LPCAT1: variants seen among roughly 807,000 people sequenced by gnomAD.
LPCAT1 encodes 1-acylglycerol-3-phosphate O-acyltransferase.
Under a neutral mutation model 60.9 loss-of-function variants are expected in LPCAT1, and 23 were observed. The ratio of observed to expected loss-of-function variants is 0.38; its 90% CI spans 0.27 to 0.53. LPCAT1 has a LOEUF of 0.53. Ranked by LOEUF, LPCAT1 falls within the 20% of genes least tolerant of loss-of-function variation. The pLI, the probability that LPCAT1 is intolerant of heterozygous loss-of-function variation, is 0.82. For missense variants in LPCAT1, 622 were observed against 723.6 expected (o/e 0.86, Z 1.61); for synonymous variants, 340 against 301.1 (o/e 1.13, Z -1.34).
At position 1,502,482 on chromosome 5, in the gene LPCAT1, C is replaced by T. The variant is rs777992755; in HGVS notation, c.136-879G>A. ...GGAAGACCCGGCGCAGGAGAGTGAA[C>T]TGGCGGGAGGGCAGGGGCGCAGGTC... On this transcript the variant is annotated intron_variant, in intron 1 of 13. Coordinates refer to ENST00000283415, the MANE Select transcript of LPCAT1 (RefSeq NM_024830.5). The surrounding 1 kb of genome is among the most constrained non-coding windows in gnomAD (Gnocchi z 5.5). Among the ~76,000 whole-genome samples, 6 of 152,114 alleles carry T rather than the reference C, an allele frequency of 3.9e-5. No individual in the cohort carries two copies. Among genetic ancestry groups the T allele is most frequent in the Non-Finnish European group, 7.4e-5 (5 of 68,004 alleles).
chr5:1,512,154 G>T (rs1736374283), intron 1 of LPCAT1, among the ~76,000 whole-genome samples: 1 of 152,208 alleles, frequency 6.6e-6, no homozygotes, highest in African/African-American at 2.4e-5. Flanking sequence ...ACCCGGACAG[G>T]GCTTGGCAGG....
chr5:1,470,722 G>T, intron 12 of LPCAT1, 104 bp downstream of exon 12: 1 of 802,740 alleles, frequency 1.2e-6, no homozygotes, highest in Non-Finnish European at 1.9e-6. Context: ...TTGGGCAAAT[G>T]ATCAATTAAC....
intron 5 of LPCAT1, among the ~76,000 whole-genome samples, chr5:1,488,044 G>A (rs959616097): frequency 2.6e-5 from 4 of 152,244 alleles, no homozygotes; most frequent in East Asian, 1.9e-4. Context: ...GGTGTGGGGC[G>A]TGAGCTGCAG....
rs1407976004 is a variant in LPCAT1 at position 1,462,407 on chromosome 5, C to CT, written c.*1243dup. 2 of 152,428 alleles carry CT rather than the reference C, an allele frequency of 1.3e-5. No individual in the cohort carries two copies. The highest frequency in any genetic ancestry group is 4.8e-5 in the African/African-American group (2 of 41,436). The allele number at this position is 152,428 out of a possible 1,614,324, so 9.4% of individuals were successfully genotyped here. ...CCTGGAAGCCCCTCTGCCTTTGACT[C>CT]TAAGATGGGGCAGGACCCCCGCTCT... On this transcript the variant is annotated 3_prime_UTR_variant, in exon 14 of 14. Transcript: ENST00000283415.
intron 4 of LPCAT1, 140 bp downstream of exon 4, chr5:1,489,606 C>G (rs1735497562): frequency 2.7e-6 from 2 of 737,214 alleles, no homozygotes; most frequent in African/African-American, 1.7e-5. Flanking sequence ...ACAGCACCCT[C>G]CTGAGTTCAC....
At chr5:1,464,197 G>A (rs1053565034) in intron 13 of LPCAT1, among the ~76,000 whole-genome samples, 14 of 152,256 alleles carry the variant, frequency 9.2e-5, no homozygotes, top group Admixed American at 3.9e-4. Flanking sequence ...TGTCTGGACA[G>A]TGATCTGGCG....
Position 1,523,771 on chromosome 5 carries a change from G to A in LPCAT1, c.74C>T (p.Ala25Val), listed in dbSNP as rs1289721390. 3.6e-5 allele frequency: 41 copies of A among 1,152,898 alleles called. No homozygotes were observed. The highest frequency in any genetic ancestry group is 4.1e-5 in the Non-Finnish European group (38 of 933,556). 71.4% of individuals were successfully genotyped at this position (1,152,898 alleles called of 1,614,324 possible). ...SAGASDARLL[A>V]PPGRNPFVHE... ...CACGAAGGGGTTCCGCCCCGGGGGC[G>A]CCAGCAGCCGAGCGTCGCTGGCCCC... Residue 25 changes from alanine (A) to valine (V), a missense_variant, in exon 1 of 14, where the codon GCG (alanine) becomes GTG (valine). Ala to Val is a moderately conservative substitution (Grantham distance 64). This residue lies in a region of LPCAT1 where 125 missense variants were observed against 114.5 expected (regional missense o/e 1.09). Coordinates refer to ENST00000283415, the MANE Select transcript of LPCAT1 (RefSeq NM_024830.5). This position sits in a 1 kb window ranked among gnomAD's most constrained non-coding sequence, Gnocchi z 7.1.
intron 3 of LPCAT1, 147 bp from the exon 4 acceptor site, chr5:1,490,005 C>A: frequency 1.5e-6 from 1 of 671,490 alleles, no homozygotes; most frequent in Non-Finnish European, 2.7e-6. Context: ...GCTGTGAGTC[C>A]CTGACTGAGG....
At chr5:1,482,041 T>C (rs1439155975) in intron 6 of LPCAT1, among the ~76,000 whole-genome samples, 2 of 152,178 alleles carry the variant, frequency 1.3e-5, no homozygotes, top group Non-Finnish European at 2.9e-5. Flanking sequence ...AAGGAACTGC[T>C]ATAGACGGGA....
At chr5:1,473,377 C>T (rs1271741456) in intron 11 of LPCAT1, among the ~76,000 whole-genome samples, 1 of 152,280 alleles carries the variant, frequency 6.6e-6, no homozygotes, top group East Asian at 1.9e-4. Flanking sequence ...CAGCCTGTCC[C>T]GCCCCTGCGT....
At chr5:1,479,824 C>A in intron 7 of LPCAT1, 149 bp from the exon 8 acceptor site, 1 of 656,384 alleles carries the variant, frequency 1.5e-6, no homozygotes, top group Admixed American at 2.4e-5. Flanking sequence ...GCCGTGCCCA[C>A]CCAGCCCGAG....
Position 1,523,910 on chromosome 5 carries a change from T to G in LPCAT1, c.-66A>C, listed in dbSNP as rs1736755182. 1.0e-6 allele frequency: 1 copy of G among 992,240 alleles called. No homozygotes were observed. The highest frequency in any genetic ancestry group is 1.2e-6 in the Non-Finnish European group (1 of 832,708). The allele number at this position is 992,240 out of a possible 1,614,324, so 61.5% of individuals were successfully genotyped here. A position where few individuals can be genotyped will look rare whatever the true frequency, so the allele number is the denominator to read the frequency against. ...GGCGCCGAGCGGGGCCGGGGCTAGC[T>G]GGGCGCGGGTCTCGGGGCGCGGGCC... On this transcript the variant is annotated 5_prime_UTR_variant, in exon 1 of 14. Transcript: ENST00000283415. The surrounding 1 kb of genome is among the most constrained non-coding windows in gnomAD (Gnocchi z 7.1).
chr5:1,500,148 C>A (rs111830014), intron 2 of LPCAT1, among the ~76,000 whole-genome samples: 128 of 152,362 alleles, frequency 8.4e-4, no homozygotes, highest in African/African-American at 3.0e-3. Context: ...CAATTAACTA[C>A]TAATATTCCT....
At position 1,521,130 on chromosome 5, in the gene LPCAT1, T is replaced by C. The variant is rs16879331; in HGVS notation, c.135+2580A>G. On this transcript the variant is annotated intron_variant, in intron 1 of 13. Transcript: ENST00000283415. This position sits in a 1 kb window ranked among gnomAD's most constrained non-coding sequence, Gnocchi z 4.3. ...TTGCTTTAGCCAGAGGATTAAAACA[T>C]TGCACGTATTACAGACCCTGATGGC... is the stretch of plus-strand genomic sequence containing the variant. Among the ~76,000 whole-genome samples, 743 of 152,344 alleles carry C rather than the reference T, an allele frequency of 4.9e-3. 6 individuals carry two copies. The highest frequency in any genetic ancestry group is 0.017 in the African/African-American group (690 of 41,574).
rs149354330 is a variant in LPCAT1 at position 1,501,577 on chromosome 5, G to A, written c.162C>T (p.Phe54=). Residue 54 remains phenylalanine (F), a synonymous_variant, in exon 2 of 14, where the codon TTC becomes TTT. Coordinates refer to ENST00000283415, the MANE Select transcript of LPCAT1 (RefSeq NM_024830.5). ...AQVALMTLTL[F]PVRLLVAAAM... ...CAGCGGCAACCAGGAGCCGGACCGG[G>A]AAGAGCGTCAGTGTCATGAGGGCCA... is the stretch of plus-strand genomic sequence containing the variant. The A allele has an allele frequency of 5.0e-6, 8 of 1,613,806 alleles. No individual in the cohort carries two copies. The African/African-American group carries it at 9.3e-5, about 19-fold the overall frequency.
intron 5 of LPCAT1, among the ~76,000 whole-genome samples, chr5:1,484,119 G>A (rs972498514): frequency 1.3e-5 from 2 of 152,244 alleles, no homozygotes; most frequent in Non-Finnish European, 2.9e-5. Context: ...CACAGCTGCA[G>A]CAGGACTTGC....
chr5:1,463,352 TGGG>T lies in LPCAT1; in HGVS notation c.*296_*298del. On this transcript the variant is annotated 3_prime_UTR_variant, in exon 14 of 14. Coordinates refer to ENST00000283415, the MANE Select transcript of LPCAT1 (RefSeq NM_024830.5). ...ACAGAGACTCGAAACCAGGGCCCCG[TGGG>T]AGAACACGGGGCGGCACCGGTGCCC... 2 of 359,170 alleles carry T rather than the reference TGGG, an allele frequency of 5.6e-6. No individual in the cohort carries two copies. Among genetic ancestry groups the T allele is most frequent in the South Asian group, 5.4e-5 (1 of 18,616 alleles). The allele number at this position is 359,170 out of a possible 1,614,324, so 22.2% of individuals were successfully genotyped here. A position where few individuals can be genotyped will look rare whatever the true frequency, so the allele number is the denominator to read the frequency against.
intron 1 of LPCAT1, among the ~76,000 whole-genome samples, chr5:1,516,794 A>G (rs1018483782): frequency 1.3e-5 from 2 of 152,198 alleles, no homozygotes; most frequent in African/African-American, 4.8e-5. Flanking sequence ...CTCCCCACAC[A>G]GGGGACGAGG....
chr5:1,476,004 G>A lies in LPCAT1; in HGVS notation c.900-1319C>T, dbSNP rs1314432003. 1.3e-5 allele frequency among the ~76,000 whole-genome samples: 2 copies of A among 152,172 alleles called. No homozygotes were observed. The highest frequency in any genetic ancestry group is 1.9e-4 in the East Asian group (1 of 5,186). ...CCTGATGTGATGAAACATGGTTCCC[G>A]GTAATTTGGAGTGGGGTTTTAAGAG... On this transcript the variant is annotated intron_variant, in intron 9 of 13. Transcript: ENST00000283415. This position sits in a 1 kb window ranked among gnomAD's most constrained non-coding sequence, Gnocchi z 8.6.
Sources: allele counts gnomAD v4.1 joint callset (sites outside exome capture counted in the v4.1 genomes callset), GRCh38; gene constraint gnomAD v4.1.1; regional missense constraint gnomAD v4.1.1; non-coding constraint Gnocchi (gnomAD v3.1); transcripts MANE v1.5; gene names NCBI Gene and HGNC (gene_info 2026-07-23, HGNC 2026-07-21).